LMO3: variants seen among roughly 807,000 people sequenced by gnomAD.
The protein encoded by LMO3 is LIM domain only protein 3.
A neutral mutation model predicts 15.8 loss-of-function variants in LMO3; 2 were observed. The ratio of observed to expected loss-of-function variants is 0.13; its 90% confidence interval spans 0.05 to 0.40. LMO3 has a LOEUF of 0.40. Ranked by LOEUF, LMO3 falls within the 10% of genes least tolerant of loss-of-function variation. The pLI is 0.99. For synonymous variants in LMO3, 62 were observed against 63.8 expected, an observed-to-expected ratio of 0.97 and a Z score of 0.13; for missense variants, 86 against 182.2, an observed-to-expected ratio of 0.47 and a Z score of 3.04.
At chr12:16,558,697 C>T (rs16912023) in intron 3 of LMO3, among the ~76,000 whole-genome samples, 18,302 of 151,996 alleles carry the variant, frequency 0.12, 3,220 homozygotes, top group African/African-American at 0.39. Context: ...GTAACTATTA[C>T]ATTATAAGGT....
chr12:16,579,647 A>C (rs1943098563), intron 2 of LMO3, among the ~76,000 whole-genome samples: 1 of 152,198 alleles, frequency 6.6e-6, no homozygotes, highest in Non-Finnish European at 1.5e-5. Flanking sequence ...ACTCAGTAGG[A>C]AGGCTGAGGC....
rs992803422 is a variant in LMO3, at chr12:16,572,467, G to A, written c.207-11929C>T. On this transcript the variant is annotated intron_variant, in intron 2 of 3. Transcript: ENST00000537304. The stretch of plus-strand genomic sequence containing the variant: ...GAGCTACTAAGCTATTTCCTTTATT[G>A]GGTCACCTTTAGGACTTATTATTTG... Among the ~76,000 whole-genome samples the A allele has an allele frequency of 2.8e-5, 4 of 141,416 alleles. No individual in the cohort carries two copies. In the Admixed American group the frequency reaches 3.0e-4, roughly 11 times the overall value. 92.8% of individuals were successfully genotyped at this position (141,416 alleles called of 152,430 possible). A position where few individuals can be genotyped will look rare whatever the true frequency, so the allele number is the denominator to read the frequency against.
rs188278577 is a variant in LMO3 at position 16,551,011 on chromosome 12, T to C, written c.*211A>G. On this transcript the variant is annotated 3_prime_UTR_variant, in exon 4 of 4. Transcript: ENST00000537304. Reference sequence around the variant, plus strand: ...GCAAAAAAATCCAGCCATATGTACATTACTTTTTTCTTTAATAATAAACAT... The same window carrying C: ...GCAAAAAAATCCAGCCATATGTACACTACTTTTTTCTTTAATAATAAACAT... 1 of 482,708 alleles carries C rather than the reference T, an allele frequency of 2.1e-6. No individual in the cohort carries two copies. The highest frequency in any genetic ancestry group is 1.9e-5 in the African/African-American group (1 of 52,426). The allele number at this position is 482,708 out of a possible 1,614,324, so 29.9% of individuals were successfully genotyped here.
At chr12:16,569,348 C>G (rs1279502487) in intron 2 of LMO3, among the ~76,000 whole-genome samples, 2 of 152,144 alleles carry the variant, frequency 1.3e-5, no homozygotes, top group African/African-American at 2.4e-5. Context: ...GAATAAAAGT[C>G]TCTAGGTTTC....
At chr12:16,554,491 T>A (rs1425640714) in intron 3 of LMO3, among the ~76,000 whole-genome samples, 2 of 152,152 alleles carry the variant, frequency 1.3e-5, no homozygotes, top group African/African-American at 2.4e-5. Context: ...TACTCATTCC[T>A]CCACTATACA....
At chr12:16,563,824 C>T (rs1942488640) in intron 2 of LMO3, among the ~76,000 whole-genome samples, 1 of 152,118 alleles carries the variant, frequency 6.6e-6, no homozygotes, top group Non-Finnish European at 1.5e-5. Flanking sequence ...CCAGCTTATA[C>T]ATTTACGGTA....
At chr12:16,556,875 C>T (rs1420985100) in intron 3 of LMO3, among the ~76,000 whole-genome samples, 1 of 152,086 alleles carries the variant, frequency 6.6e-6, no homozygotes, top group East Asian at 1.9e-4. Flanking sequence ...TGTGCATAAC[C>T]GGCACTAAAG....
chr12:16,595,212 G>T (rs1036947752), intron 2 of LMO3, among the ~76,000 whole-genome samples: 1 of 150,706 alleles, frequency 6.6e-6, no homozygotes, highest in African/African-American at 2.4e-5. Context: ...TACTCTGGGG[G>T]GTCGTGAAAT....
At chr12:16,556,467 T>C (rs975150426) in intron 3 of LMO3, among the ~76,000 whole-genome samples, 2 of 152,236 alleles carry the variant, frequency 1.3e-5, no homozygotes, top group African/African-American at 4.8e-5. Context: ...TGCTACTTTT[T>C]AAAACATTCA....
Position 16,560,556 on chromosome 12 carries a change from T to C in LMO3, c.207-18A>G, listed in dbSNP as rs538056260. On this transcript the variant is annotated intron_variant, in intron 2 of 3. Transcript: ENST00000537304. This position sits in a 1 kb window ranked among gnomAD's most constrained non-coding sequence, Gnocchi z 5.0. ...CAAAGAGCCTAGAATAAGAAACATT[T>C]TTTTTTTTTTACAAACTCTTACAGA... is the stretch of plus-strand genomic sequence containing the variant. The C allele has an allele frequency of 6.3e-7, 1 of 1,594,988 alleles. No individual in the cohort carries two copies. Among genetic ancestry groups the C allele is most frequent in the African/African-American group, 1.4e-5 (1 of 72,848 alleles).
At chr12:16,574,435 C>T (rs1428383967) in intron 2 of LMO3, among the ~76,000 whole-genome samples, 1 of 152,064 alleles carries the variant, frequency 6.6e-6, no homozygotes, top group Non-Finnish European at 1.5e-5. Context: ...CCTAAAATCT[C>T]CTGTGACAGA....
At chr12:16,574,260 C>T (rs1193926477) in intron 2 of LMO3, among the ~76,000 whole-genome samples, 2 of 152,060 alleles carry the variant, frequency 1.3e-5, no homozygotes, top group Non-Finnish European at 2.9e-5. Context: ...TAAACGATGA[C>T]TCTTTAAACC....
At position 16,560,608 on chromosome 12, in the gene LMO3, A is replaced by T; in HGVS notation, c.207-70T>A. On this transcript the variant is annotated intron_variant, in intron 2 of 3. Transcript: ENST00000537304. The surrounding 1 kb of genome is among the most constrained non-coding windows in gnomAD (Gnocchi z 5.0). ...AAATCTGAGATCGTGAAGAGAGATGATGTTAATATACTCTGTAAAGCTACA... is the reference window on the plus strand; with the variant it reads ...AAATCTGAGATCGTGAAGAGAGATGTTGTTAATATACTCTGTAAAGCTACA... 7.2e-7 allele frequency: 1 copy of T among 1,389,158 alleles called. No homozygotes were observed. The highest frequency in any genetic ancestry group is 1.0e-6 in the Non-Finnish European group (1 of 994,716). 86.1% of individuals were successfully genotyped at this position (1,389,158 alleles called of 1,614,324 possible). A position where few individuals can be genotyped will look rare whatever the true frequency, so the allele number is the denominator to read the frequency against.
Position 16,587,976 on chromosome 12 carries a change from C to G in LMO3, c.206+12679G>C, listed in dbSNP as rs1306642450. On this transcript the variant is annotated intron_variant, in intron 2 of 3. Transcript: ENST00000537304. The surrounding 1 kb of genome is among the most constrained non-coding windows in gnomAD (Gnocchi z 4.3). ...ATATTAATTCATGCTTAAAAAGTCCCTTTCTTTCAGATAATTACCCTGTCT... is the reference window on the plus strand; with the variant it reads ...ATATTAATTCATGCTTAAAAAGTCCGTTTCTTTCAGATAATTACCCTGTCT... Among the ~76,000 whole-genome samples the G allele has an allele frequency of 6.6e-6, 1 of 152,050 alleles. No individual in the cohort carries two copies. The highest frequency in any genetic ancestry group is 1.5e-5 in the Non-Finnish European group (1 of 67,988).
chr12:16,575,577 G>A (rs1162577559), intron 2 of LMO3, among the ~76,000 whole-genome samples: 1 of 152,138 alleles, frequency 6.6e-6, no homozygotes, highest in Non-Finnish European at 1.5e-5. Flanking sequence ...ACAACTGAAT[G>A]AGGCAGGTTT....
In LMO3 at chr12:16,591,190, T is replaced by C. The variant is rs549302896; in HGVS notation, c.206+9465A>G. Among the ~76,000 whole-genome samples the C allele has an allele frequency of 1.3e-5, 2 of 152,034 alleles. No individual in the cohort carries two copies. The highest frequency in any genetic ancestry group is 2.4e-5 in the African/African-American group (1 of 41,512). ...TACCCCTTATTCTTGCCCCTCCTGCTCTCCCACACCCCAGCTGCACTAGTA... is the reference window on the plus strand; with the variant it reads ...TACCCCTTATTCTTGCCCCTCCTGCCCTCCCACACCCCAGCTGCACTAGTA... On this transcript the variant is annotated intron_variant, in intron 2 of 3. Transcript: ENST00000537304. The surrounding 1 kb of genome is among the most constrained non-coding windows in gnomAD (Gnocchi z 4.1).
intron 2 of LMO3, among the ~76,000 whole-genome samples, chr12:16,570,300 T>C (rs1351240328): frequency 6.6e-6 from 1 of 152,178 alleles, no homozygotes; most frequent in East Asian, 1.9e-4. Flanking sequence ...TAGAGACTCA[T>C]AATTACCTTC....
At chr12:16,556,682 A>T (rs1406336443) in intron 3 of LMO3, among the ~76,000 whole-genome samples, 1 of 152,200 alleles carries the variant, frequency 6.6e-6, no homozygotes, top group Non-Finnish European at 1.5e-5. Flanking sequence ...GAAGTGGGAT[A>T]TGGGTTTCCT....
rs397839947 is a variant in LMO3 at position 16,560,566 on chromosome 12, T to TA, written c.207-29dup. 2 of 1,578,152 alleles carry TA rather than the reference T, an allele frequency of 1.3e-6. No individual in the cohort carries two copies. The highest frequency in any genetic ancestry group is 1.7e-6 in the Non-Finnish European group (2 of 1,156,414). On this transcript the variant is annotated intron_variant, in intron 2 of 3. Transcript: ENST00000537304. The surrounding 1 kb of genome is among the most constrained non-coding windows in gnomAD (Gnocchi z 5.0). ...AGAATAAGAAACATTTTTTTTTTTT[T>TA]ACAAACTCTTACAGAGAAATCTGAG...
Sources: gnomAD v4.1 joint callset for allele counts (sites outside exome capture counted in the v4.1 genomes callset) on GRCh38, gnomAD v4.1.1 for gene constraint, Gnocchi (gnomAD v3.1) non-coding constraint, MANE v1.5 for transcripts, NCBI Gene and HGNC (gene_info 2026-07-23, HGNC 2026-07-21) for gene names.